The following PRKCZ variants were observed in gnomAD, a reference collection of about 807,000 sequenced individuals.
The protein encoded by PRKCZ is protein kinase C zeta, also known as protein kinase C zeta type.
PRKCZ carries 33 observed loss-of-function variants against 79.5 expected under a neutral mutation model. That is an observed-to-expected ratio of 0.41 (90% CI 0.31 to 0.55). PRKCZ has a LOEUF of 0.55. PRKCZ is among the 20% of genes least tolerant of loss of function. The pLI is 0.19. For synonymous variants in PRKCZ, 342 were observed against 320.9 expected, an observed-to-expected ratio of 1.07 and a Z score of -0.70; for missense variants, 578 against 813.5, an observed-to-expected ratio of 0.71 and a Z score of 3.52.
intron 3 of PRKCZ, among the ~76,000 whole-genome samples, chr1:2,058,910 A>G (rs1660425737): frequency 6.6e-6 from 1 of 152,084 alleles, no homozygotes. Flanking sequence ...AACCAACAAA[A>G]AACAAAAAAT....
rs1662335246 is a variant in PRKCZ, at chr1:2,075,972, A to G, written c.334+16381A>G. On this transcript the variant is annotated intron_variant, in intron 4 of 17. Coordinates refer to ENST00000378567, the MANE Select transcript of PRKCZ (RefSeq NM_002744.6). The surrounding 1 kb of genome is among the most constrained non-coding windows in gnomAD (Gnocchi z 4.8). ...GGTTGAACTGTTGGGGGGCGGGAGG[A>G]CCATCCATGGGGTCAGGCACCAACC... 6.6e-6 allele frequency among the ~76,000 whole-genome samples: 1 copy of G among 152,150 alleles called. No individual in the cohort carries two copies. The highest frequency in any genetic ancestry group is 1.5e-5 in the Non-Finnish European group (1 of 68,010).
intron 16 of PRKCZ, among the ~76,000 whole-genome samples, chr1:2,179,356 T>C (rs554661163): frequency 1.3e-5 from 2 of 152,328 alleles, no homozygotes; most frequent in East Asian, 3.9e-4. Flanking sequence ...CGTCCTGGCC[T>C]GGTGGCTGGG....
intron 4 of PRKCZ, chr1:2,074,556 G>C: frequency 1.8e-6 from 1 of 568,620 alleles, no homozygotes; most frequent in African/African-American, 1.9e-5. Context: ...GCTGGTAGTG[G>C]TAACAGCCAG....
In PRKCZ at chr1:2,135,249, A is replaced by G; in HGVS notation, c.335-13A>G. 6.2e-7 allele frequency: 1 copy of G among 1,607,500 alleles called. No individual in the cohort carries two copies. Among genetic ancestry groups the G allele is most frequent in the Non-Finnish European group, 8.5e-7 (1 of 1,175,374 alleles). On this transcript the variant is annotated splice_polypyrimidine_tract_variant and intron_variant, in intron 4 of 17. Coordinates refer to ENST00000378567, the MANE Select transcript of PRKCZ (RefSeq NM_002744.6). ...CACGCTGTTTCTTTACACCTTTCTC[A>G]TATCCTTTCCAGAATCTATCTACCG...
At chr1:2,169,662 C>A (rs1436157818) in intron 11 of PRKCZ, 58 bp downstream of exon 11, 1 of 609,918 alleles carries the variant, frequency 1.6e-6, no homozygotes, top group Non-Finnish European at 2.3e-6. Flanking sequence ...TGGGTGGGTG[C>A]GTGCGGTGTT....
At chr1:2,071,456 G>A (rs571284048) in intron 4 of PRKCZ, 3 of 279,512 alleles carry the variant, frequency 1.1e-5, no homozygotes, top group South Asian at 2.7e-5. Flanking sequence ...GGGTTACCAC[G>A]GAAGCCTATC....
In PRKCZ at chr1:2,149,878, G is replaced by A. The variant is rs1571837620; in HGVS notation, c.688-912G>A. 2.0e-5 allele frequency among the ~76,000 whole-genome samples: 3 copies of A among 149,822 alleles called. No homozygotes were observed. The South Asian group carries it at 6.3e-4, about 32-fold the overall frequency. On this transcript the variant is annotated intron_variant, in intron 8 of 17. Transcript: ENST00000378567. This position sits in a 1 kb window ranked among gnomAD's most constrained non-coding sequence, Gnocchi z 4.1. ...TCTGTCTCAAAAAAAGCAGAATCCG[G>A]CTGGGCGCGGTGGCTCACGCCTGTA...
In PRKCZ at chr1:2,172,330, C is replaced by T. The variant is rs750528426; in HGVS notation, c.1227C>T (p.Ser409=). The T allele has an allele frequency of 2.5e-6, 4 of 1,613,620 alleles. No individual in the cohort carries two copies. In the Admixed American group the frequency reaches 5.0e-5, roughly 20 times the overall value. ...KEGLGPGDTT[S]TFCGTPNYIA... Reference sequence around the variant, plus strand: ...GCCTGGGCCCTGGTGACACAACGAGCACTTTCTGCGGAACCCCGAATTACA... The same window carrying T: ...GCCTGGGCCCTGGTGACACAACGAGTACTTTCTGCGGAACCCCGAATTACA... The change falls in exon 13 of 18, where the codon AGC becomes AGT. Residue 409 remains serine, a synonymous_variant. Coordinates refer to ENST00000378567, the MANE Select transcript of PRKCZ (RefSeq NM_002744.6). This position sits in a 1 kb window ranked among gnomAD's most constrained non-coding sequence, Gnocchi z 7.8.
rs1186439314 is a variant in PRKCZ, at chr1:2,094,291, TCTC to T, written c.334+34703_334+34705del. Among the ~76,000 whole-genome samples, 1 of 152,082 alleles carries T rather than the reference TCTC, an allele frequency of 6.6e-6. No individual in the cohort carries two copies. The highest frequency in any genetic ancestry group is 2.4e-5 in the African/African-American group (1 of 41,370). On this transcript the variant is annotated intron_variant, in intron 4 of 17. Transcript: ENST00000378567. The surrounding 1 kb of genome is among the most constrained non-coding windows in gnomAD (Gnocchi z 7.3). ...CCCTCGGCCTCCCGGCCTGAACTCT[TCTC>T]CTACCATGATGGTGCCTGGGATGCT...
Position 2,168,465 on chromosome 1 carries a change from C to G in PRKCZ, c.975-1053C>G, listed in dbSNP as rs1683771810. On this transcript the variant is annotated intron_variant, in intron 10 of 17. Coordinates refer to ENST00000378567, the MANE Select transcript of PRKCZ (RefSeq NM_002744.6). This position sits in a 1 kb window ranked among gnomAD's most constrained non-coding sequence, Gnocchi z 4.7. Reference sequence around the variant, plus strand: ...CCCGACTGGCCACGTGGACGTCTCTCCAGCTCCTCACTTGGGGCCCAGGGC... The same window carrying G: ...CCCGACTGGCCACGTGGACGTCTCTGCAGCTCCTCACTTGGGGCCCAGGGC... Among the ~76,000 whole-genome samples the G allele has an allele frequency of 6.6e-6, 1 of 152,236 alleles. No homozygotes were observed. Among genetic ancestry groups the G allele is most frequent in the Non-Finnish European group, 1.5e-5 (1 of 68,046 alleles).
At chr1:2,062,194 C>G (rs917833220) in intron 4 of PRKCZ, among the ~76,000 whole-genome samples, 1 of 152,224 alleles carries the variant, frequency 6.6e-6, no homozygotes, top group Admixed American at 6.5e-5. Context: ...CAACTATCAT[C>G]TCTATGTAGT....
intron 4 of PRKCZ, among the ~76,000 whole-genome samples, chr1:2,101,213 T>G (rs1162081258): frequency 6.6e-6 from 1 of 152,178 alleles, no homozygotes; most frequent in Non-Finnish European, 1.5e-5. Context: ...TTTAAAAGGT[T>G]TAACTTCAAG....
Position 2,172,747 on chromosome 1 carries a change from G to T in PRKCZ, c.1285+359G>T, listed in dbSNP as rs981024488. The stretch of plus-strand genomic sequence containing the variant: ...AGCTGTTGTCTGGGGAGCCCCAGGG[G>T]GTGCAGGAGCGTGTGGACAGGACCC... On this transcript the variant is annotated intron_variant, in intron 13 of 17. Coordinates refer to ENST00000378567, the MANE Select transcript of PRKCZ (RefSeq NM_002744.6). This position sits in a 1 kb window ranked among gnomAD's most constrained non-coding sequence, Gnocchi z 7.8. Among the ~76,000 whole-genome samples, 8 of 152,226 alleles carry T rather than the reference G, an allele frequency of 5.3e-5. No individual in the cohort carries two copies. The highest frequency in any genetic ancestry group is 1.0e-4 in the Non-Finnish European group (7 of 68,020).
intron 5 of PRKCZ, chr1:2,142,732 T>A (rs1378370518): frequency 6.2e-6 from 1 of 162,080 alleles, no homozygotes; most frequent in Non-Finnish European, 1.4e-5. Context: ...TCTTACCCGA[T>A]GCCCACTGTG....
At chr1:2,117,366 A>G (rs1480926054) in intron 4 of PRKCZ, among the ~76,000 whole-genome samples, 1 of 133,378 alleles carries the variant, frequency 7.5e-6, no homozygotes, top group African/African-American at 2.7e-5. Context: ...TTACTTTTAC[A>G]GTTTTTTTTT....
chr1:2,086,064 T>TC (rs923924983), intron 4 of PRKCZ, among the ~76,000 whole-genome samples: 3 of 151,710 alleles, frequency 2.0e-5, no homozygotes, highest in Non-Finnish European at 4.4e-5. Flanking sequence ...CCTTTTTTTT[T>TC]TTTTTTTTTT....
At chr1:2,104,778 C>T (rs767318811) in intron 4 of PRKCZ, 109 of 985,640 alleles carry the variant, frequency 1.1e-4, no homozygotes, top group Non-Finnish European at 1.3e-4. Flanking sequence ...CTCACTGCTG[C>T]CCCCCGGGGC....
intron 4 of PRKCZ, among the ~76,000 whole-genome samples, chr1:2,087,324 C>G (rs1301007829): frequency 6.6e-6 from 1 of 152,122 alleles, no homozygotes; most frequent in Non-Finnish European, 1.5e-5. Context: ...CTCAAGGGAT[C>G]CACCCACCTC....
intron 1 of PRKCZ, among the ~76,000 whole-genome samples, chr1:2,051,273 C>T (rs1293760225): frequency 3.3e-5 from 5 of 152,184 alleles, no homozygotes; most frequent in Non-Finnish European, 7.4e-5. Flanking sequence ...CCCGGAGGCC[C>T]TTGCCTGGCT....
Sources: gnomAD v4.1 joint callset for allele counts (sites outside exome capture counted in the v4.1 genomes callset) on GRCh38, gnomAD v4.1.1 for gene constraint, Gnocchi (gnomAD v3.1) non-coding constraint, MANE v1.5 for transcripts, NCBI Gene and HGNC (gene_info 2026-07-23, HGNC 2026-07-21) for gene names.